PDE7B: variants seen among roughly 807,000 people sequenced by gnomAD.
The protein encoded by PDE7B is phosphodiesterase 7B.
In PDE7B, 29 loss-of-function variants were observed where a neutral mutation model predicts 56.2. The ratio of observed to expected loss-of-function variants is 0.52; its 90% CI spans 0.38 to 0.70. The LOEUF is 0.70. PDE7B is among the 30% of genes least tolerant of loss of function. The pLI is 0.00. For missense variants in PDE7B, 490 were observed against 565.0 expected, an observed-to-expected ratio of 0.87 and a Z score of 1.35; for synonymous variants, 197 against 196.9, an observed-to-expected ratio of 1.00 and a Z score of 0.00.
At chr6:136,151,563 G>A (rs1778513264) in intron 6 of PDE7B, among the ~76,000 whole-genome samples, 2 of 152,084 alleles carry the variant, frequency 1.3e-5, no homozygotes, top group African/African-American at 2.4e-5. Flanking sequence ...ACTGTTGACT[G>A]GAAGCCTTAC....
At chr6:135,901,305 C>T (rs1775995624) in intron 1 of PDE7B, among the ~76,000 whole-genome samples, 1 of 151,686 alleles carries the variant, frequency 6.6e-6, no homozygotes, top group Non-Finnish European at 1.5e-5. Flanking sequence ...TAGGCATTCT[C>T]CTATATGATT....
chr6:135,912,410 A>T (rs1306602060), intron 1 of PDE7B, among the ~76,000 whole-genome samples: 1 of 152,230 alleles, frequency 6.6e-6, no homozygotes, highest in African/African-American at 2.4e-5. Context: ...GATGATTTAA[A>T]GTATCCAGGA....
intron 3 of PDE7B, among the ~76,000 whole-genome samples, chr6:136,135,690 G>A (rs1778202237): frequency 1.3e-5 from 2 of 152,048 alleles, no homozygotes; most frequent in South Asian, 4.2e-4. Context: ...ATTTTAAAAG[G>A]TTTTCTGGCA....
chr6:136,167,149 G>C (rs1778807295), intron 8 of PDE7B, among the ~76,000 whole-genome samples: 2 of 152,054 alleles, frequency 1.3e-5, no homozygotes, highest in South Asian at 2.1e-4. Flanking sequence ...TACCTTACCA[G>C]CCCTGACTAT....
At chr6:136,083,895 T>C (rs940784874) in intron 2 of PDE7B, among the ~76,000 whole-genome samples, 1 of 152,148 alleles carries the variant, frequency 6.6e-6, no homozygotes, top group African/African-American at 2.4e-5. Context: ...AGCTCCCTAA[T>C]ATCAGCAACA....
chr6:135,865,654 T>G (rs1241566951), intron 1 of PDE7B, among the ~76,000 whole-genome samples: 2 of 150,530 alleles, frequency 1.3e-5, no homozygotes, highest in Non-Finnish European at 3.0e-5. Context: ...TGTGTGTATG[T>G]GTGGAGAGAG....
At chr6:135,954,553 T>C (rs1774755427) in intron 2 of PDE7B, among the ~76,000 whole-genome samples, 1 of 152,164 alleles carries the variant, frequency 6.6e-6, no homozygotes, top group African/African-American at 2.4e-5. Flanking sequence ...CATGCATTCA[T>C]TGAGCACTGC....
chr6:135,888,607 A>G (rs1775753063), intron 1 of PDE7B, among the ~76,000 whole-genome samples: 1 of 151,974 alleles, frequency 6.6e-6, no homozygotes, highest in African/African-American at 2.4e-5. Flanking sequence ...TATAGATCCA[A>G]GAAGAACAAC....
chr6:136,053,873 G>A lies in PDE7B; in HGVS notation c.83-54858G>A, dbSNP rs576163292. On this transcript the variant is annotated intron_variant, in intron 2 of 12. Coordinates refer to ENST00000308191, the MANE Select transcript of PDE7B (RefSeq NM_018945.4). ...AAATGTCTTCTTTTGAGAAGTGTCT[G>A]TTCATATCCTTTGCCCACTTTTTGA... Among the ~76,000 whole-genome samples the A allele has an allele frequency of 2.6e-5, 4 of 152,244 alleles. No individual in the cohort carries two copies. In the South Asian group the frequency reaches 6.2e-4, roughly 24 times the overall value.
At chr6:135,943,707 A>T (rs930407283) in intron 1 of PDE7B, among the ~76,000 whole-genome samples, 1 of 152,206 alleles carries the variant, frequency 6.6e-6, no homozygotes, top group South Asian at 2.1e-4. Flanking sequence ...TAGCAAGTCC[A>T]CAGATATTTA....
intron 2 of PDE7B, among the ~76,000 whole-genome samples, chr6:135,981,954 C>T (rs912272006): frequency 5.3e-5 from 8 of 152,042 alleles, no homozygotes; most frequent in Non-Finnish European, 7.4e-5. Context: ...ATAAACAGTG[C>T]GATGCACTGT....
chr6:136,045,734 G>A (rs918064918), intron 2 of PDE7B, among the ~76,000 whole-genome samples: 2 of 152,032 alleles, frequency 1.3e-5, no homozygotes, highest in East Asian at 3.9e-4. Flanking sequence ...AGACCGAGTC[G>A]CAGTTGCATG....
chr6:135,893,665 A>T (rs1223897280), intron 1 of PDE7B, among the ~76,000 whole-genome samples: 1 of 152,174 alleles, frequency 6.6e-6, no homozygotes, highest in African/African-American at 2.4e-5. Context: ...ATTACTGGGT[A>T]TATACCCAAA....
intron 1 of PDE7B, among the ~76,000 whole-genome samples, chr6:135,867,545 T>A (rs1488437320): frequency 6.6e-6 from 1 of 152,186 alleles, no homozygotes; most frequent in Non-Finnish European, 1.5e-5. Flanking sequence ...TTAAGCCTAC[T>A]ACCCATTAGT....
chr6:135,982,323 T>G (rs1254402467), intron 2 of PDE7B, among the ~76,000 whole-genome samples: 5 of 152,220 alleles, frequency 3.3e-5, no homozygotes. Flanking sequence ...TCTGCTTCTC[T>G]GAACATCTGC....
intron 2 of PDE7B, among the ~76,000 whole-genome samples, chr6:136,102,557 T>G (rs1344687751): frequency 6.6e-6 from 1 of 152,146 alleles, no homozygotes; most frequent in Non-Finnish European, 1.5e-5. Context: ...ACTCCTCAAG[T>G]TGTTCTCCTT....
chr6:136,181,255 A>G lies in PDE7B; in HGVS notation c.977A>G (p.Asn326Ser). Residue 326 changes from asparagine to serine, a missense_variant, in exon 11 of 13, where the codon AAT becomes AGT. Physicochemically the swap from Asn to Ser is conservative, Grantham distance 46. Transcript: ENST00000308191. ...GCCTTGAAGTGTGCTGACATTTGCA[A>G]TCCTTGTAGAATCTGGGAGATGAGC... is the stretch of plus-strand genomic sequence containing the variant. ...QIALKCADICNPCRIWEMSKQ... is the reference protein window; with the variant it reads ...QIALKCADICSPCRIWEMSKQ... The G allele has an allele frequency of 6.2e-7, 1 of 1,613,868 alleles. No homozygotes were observed. The highest frequency in any genetic ancestry group is 2.2e-5 in the East Asian group (1 of 44,868).
intron 2 of PDE7B, among the ~76,000 whole-genome samples, chr6:136,059,971 C>G (rs987340939): frequency 1.3e-5 from 2 of 152,250 alleles, no homozygotes; most frequent in African/African-American, 4.8e-5. Flanking sequence ...CAGCCCTTCC[C>G]TTTGAGAATT....
At chr6:135,906,450 A>T (rs956572090) in intron 1 of PDE7B, among the ~76,000 whole-genome samples, 12 of 152,164 alleles carry the variant, frequency 7.9e-5, no homozygotes, top group Non-Finnish European at 1.5e-4. Flanking sequence ...TCGAGGTCTC[A>T]GTCTTCTGAA....
Sources: gnomAD v4.1 joint callset for allele counts (sites outside exome capture counted in the v4.1 genomes callset) on GRCh38, gnomAD v4.1.1 for gene constraint, MANE v1.5 for transcripts, NCBI Gene and HGNC (gene_info 2026-07-23, HGNC 2026-07-21) for gene names.